The following ERAP1 variants were observed in gnomAD, a reference collection of about 807,000 sequenced individuals.
ERAP1 encodes the protein endoplasmic reticulum aminopeptidase 1.
Under a neutral mutation model 103.7 loss-of-function variants are expected in ERAP1, and 86 were observed. The ratio of observed to expected loss-of-function variants is 0.83; its 90% CI spans 0.70 to 0.99. The LOEUF is 0.99. Among genes scored for constraint, ERAP1 ranks in the 50% least tolerant of loss-of-function variants. ERAP1 has a pLI of 0.00. For missense variants in ERAP1, 1,009 were observed against 1,128.4 expected, an observed-to-expected ratio of 0.89 and a Z score of 1.52; for synonymous variants, 398 against 402.4, an observed-to-expected ratio of 0.99 and a Z score of 0.13.
At chr5:96,904,658 A>G in the ERAP1 span, among the ~76,000 whole-genome samples, 6 of 152,206 alleles carry the variant, frequency 3.9e-5, no homozygotes, top group Non-Finnish European at 8.8e-5. Flanking sequence ...TGCCTGCTCA[A>G]AGGAGAAGCT....
At chr5:96,912,251 C>T in the ERAP1 span, among the ~76,000 whole-genome samples, 1 of 146,014 alleles carries the variant, frequency 6.8e-6, no homozygotes, top group African/African-American at 2.5e-5. Context: ...AAAAAAGCAT[C>T]AAGTAATCAT....
the ERAP1 span, among the ~76,000 whole-genome samples, chr5:96,924,528 T>G: frequency 6.6e-6 from 1 of 152,030 alleles, no homozygotes; most frequent in African/African-American, 2.4e-5. Context: ...AAAGGAAAAC[T>G]AAATCAGAAT....
At chr5:96,919,867 A>G in the ERAP1 span, among the ~76,000 whole-genome samples, 2 of 152,202 alleles carry the variant, frequency 1.3e-5, no homozygotes, top group African/African-American at 2.4e-5. Flanking sequence ...TGAGGTGAAC[A>G]GGTTTGACTT....
chr5:96,801,576 C>T (rs566106305), intron 2 of ERAP1, among the ~76,000 whole-genome samples: 17 of 151,732 alleles, frequency 1.1e-4, no homozygotes, highest in Admixed American at 3.3e-4. Context: ...AATATGTAAT[C>T]CTAAAAATGG....
At chr5:96,913,408 C>T in the ERAP1 span, 1 of 1,614,098 alleles carries the variant, frequency 6.2e-7, no homozygotes, top group Non-Finnish European at 8.5e-7. Flanking sequence ...AAAGGGGCAG[C>T]AACTAGCATG....
intron 3 of ERAP1, among the ~76,000 whole-genome samples, chr5:96,798,984 C>T (rs1777677540): frequency 6.6e-6 from 1 of 151,462 alleles, no homozygotes; most frequent in Non-Finnish European, 1.5e-5. Context: ...TCTCCTGCCT[C>T]AGCCCCCCAA....
At chr5:96,807,954 G>A (rs975074446), upstream of ERAP1, 14 of 985,734 alleles carry the variant, frequency 1.4e-5, no homozygotes, top group South Asian at 4.7e-5. Flanking sequence ...GTGGAGCCCG[G>A]GGAGCGGCAG....
the ERAP1 span, chr5:96,909,122 G>A: frequency 1.2e-6 from 2 of 1,613,604 alleles, no homozygotes; most frequent in South Asian, 2.2e-5. Context: ...CTCAAGGTTT[G>A]TGTTGCTTTT....
At chr5:96,903,328 G>A in the ERAP1 span, 3 of 1,430,968 alleles carry the variant, frequency 2.1e-6, no homozygotes, top group Non-Finnish European at 2.9e-6. Context: ...GAGATGTTCT[G>A]AATAAGTTTG....
At chr5:96,901,448 CCT>C in the ERAP1 span, 2 of 1,552,062 alleles carry the variant, frequency 1.3e-6, no homozygotes, top group East Asian at 2.3e-5. Context: ...AGTTTCTGTC[CCT>C]CTGTCTTTGG....
At chr5:96,911,552 G>C in the ERAP1 span, among the ~76,000 whole-genome samples, 2 of 151,744 alleles carry the variant, frequency 1.3e-5, no homozygotes, top group African/African-American at 2.4e-5. Context: ...GACTCTCTAG[G>C]CCTAGAGAGT....
chr5:96,897,914 T>C, the ERAP1 span, among the ~76,000 whole-genome samples: 1 of 152,194 alleles, frequency 6.6e-6, no homozygotes. Flanking sequence ...GACACTTTCA[T>C]GGCCGGGTAC....
chr5:96,805,355 TTTAAA>T (rs1778475255), intron 1 of ERAP1, among the ~76,000 whole-genome samples: 2 of 126,270 alleles, frequency 1.6e-5, no homozygotes, highest in African/African-American at 6.3e-5. Context: ...GGTTTTTTTT[TTTAAA>T]AAAAAAAAAA....
intron 18 of ERAP1, 147 bp downstream of exon 18, chr5:96,780,276 C>A: frequency 1.8e-6 from 1 of 558,922 alleles, no homozygotes; most frequent in African/African-American, 1.9e-5. Context: ...ATTTATGCTG[C>A]TGTCAACACC....
the ERAP1 span, chr5:96,917,539 C>A: frequency 2.2e-5 from 35 of 1,611,642 alleles, no homozygotes; most frequent in African/African-American, 2.7e-5. Flanking sequence ...AAACGATAAC[C>A]AAAAATATAA....
At chr5:96,845,153 A>G in the ERAP1 span, among the ~76,000 whole-genome samples, 1 of 152,214 alleles carries the variant, frequency 6.6e-6, no homozygotes, top group South Asian at 2.1e-4. Context: ...GAATAGAAAA[A>G]TTGATTTAAA....
At chr5:96,821,284 C>A in the ERAP1 span, among the ~76,000 whole-genome samples, 2 of 152,214 alleles carry the variant, frequency 1.3e-5, no homozygotes, top group African/African-American at 4.8e-5. Context: ...AGCATATAGA[C>A]TAACATTTGA....
exon 20 of ERAP1, chr5:96,762,156 A>G (rs900272284): frequency 7.8e-6 from 4 of 513,764 alleles, no homozygotes; most frequent in South Asian, 4.0e-5. Context: ...TTATGAGTCT[A>G]TTTGGTCAAG....
At chr5:96,818,893 C>CATTTATGTATTTATGT in the ERAP1 span, among the ~76,000 whole-genome samples, 2 of 141,762 alleles carry the variant, frequency 1.4e-5, no homozygotes, top group Non-Finnish European at 3.1e-5. Flanking sequence ...ACCTGAACTG[C>CATTTATGTATTTATGT]ATTTATTTAT....
Sources: allele counts gnomAD v4.1 joint callset (sites outside exome capture counted in the v4.1 genomes callset), GRCh38; gene constraint gnomAD v4.1.1; transcripts MANE v1.5; gene names NCBI Gene and HGNC (gene_info 2026-07-23, HGNC 2026-07-21).